The following NUP214 variants were observed in gnomAD, a reference collection of about 807,000 sequenced individuals.
NUP214 encodes the protein nuclear pore complex protein Nup214.
NUP214 carries 79 observed loss-of-function variants against 196.2 expected under a neutral mutation model. That is an observed-to-expected ratio of 0.40 (90% CI 0.34 to 0.49). The LOEUF (loss-of-function observed/expected upper bound fraction) is 0.49, where lower values mean the gene tolerates loss of function less well. Ranked by LOEUF, NUP214 falls within the 20% of genes least tolerant of loss-of-function variation. The probability of loss-of-function intolerance (pLI) is 0.58; values close to 1 mark genes in which losing one functional copy is unlikely to be tolerated. For synonymous variants in NUP214, 1,020 were observed against 990.5 expected, an observed-to-expected ratio of 1.03 and a Z score of -0.56; for missense variants, 2,468 against 2,539.0, an observed-to-expected ratio of 0.97 and a Z score of 0.60.
intron 8 of NUP214, 188 bp downstream of exon 8, chr9:131,135,192 T>C: frequency 1.9e-6 from 1 of 524,850 alleles, no homozygotes; most frequent in East Asian, 3.1e-5. Flanking sequence ...CAGGCTCAAG[T>C]GATCCTTCCA....
At chr9:131,175,678 A>G (rs1833095042) in intron 23 of NUP214, 57 bp downstream of exon 23, 3 of 1,560,170 alleles carry the variant, frequency 1.9e-6, no homozygotes, top group Admixed American at 2.0e-5. Context: ...TCTGAGTCAC[A>G]GGCCAGGACA....
At chr9:131,186,049 A>G (rs1376857246) in intron 24 of NUP214, among the ~76,000 whole-genome samples, 2 of 152,032 alleles carry the variant, frequency 1.3e-5, no homozygotes, top group Non-Finnish European at 2.9e-5. Flanking sequence ...GTGAGCTCCA[A>G]CCTCTTCTCT....
intron 30 of NUP214, among the ~76,000 whole-genome samples, chr9:131,212,714 C>T (rs1161747892): frequency 6.6e-6 from 1 of 152,106 alleles, no homozygotes; most frequent in Non-Finnish European, 1.5e-5. Context: ...AACACTTACT[C>T]CTTACTCCTT....
intron 30 of NUP214, among the ~76,000 whole-genome samples, chr9:131,211,800 G>A: frequency 6.6e-6 from 1 of 152,126 alleles, no homozygotes; most frequent in South Asian, 2.1e-4. Flanking sequence ...GAGGATGTAT[G>A]TTGCCTCAGG....
chr9:131,234,252 C>T lies in NUP214; in HGVS notation c.*765C>T. On this transcript the variant is annotated 3_prime_UTR_variant, in exon 36 of 36. Transcript: ENST00000359428. Reference sequence around the variant, plus strand: ...TGTATGTGGCAGTGACATTGGTAGCCACACCTACCCAGTGTCTACTAACCA... The same window carrying T: ...TGTATGTGGCAGTGACATTGGTAGCTACACCTACCCAGTGTCTACTAACCA... 4.3e-6 allele frequency: 1 copy of T among 232,762 alleles called. No individual in the cohort carries two copies. Among genetic ancestry groups the T allele is most frequent in the Non-Finnish European group, 8.5e-6 (1 of 117,782 alleles). The allele number at this position is 232,762 out of a possible 1,614,324, so 14.4% of individuals were successfully genotyped here. A position where few individuals can be genotyped will look rare whatever the true frequency, so the allele number is the denominator to read the frequency against.
chr9:131,202,349 T>TTG, intron 30 of NUP214, among the ~76,000 whole-genome samples: 2 of 152,196 alleles, frequency 1.3e-5, no homozygotes, highest in East Asian at 3.9e-4. Context: ...AGAATGGTGT[T>TTG]TGTGTGTGTG....
At chr9:131,194,748 T>C (rs1051944159) in intron 27 of NUP214, among the ~76,000 whole-genome samples, 2 of 152,250 alleles carry the variant, frequency 1.3e-5, no homozygotes, top group Admixed American at 1.3e-4. Flanking sequence ...TTGTATCCAT[T>C]GTTTTCCCTA....
At chr9:131,162,501 T>C (rs1285637394) in intron 18 of NUP214, among the ~76,000 whole-genome samples, 1 of 152,232 alleles carries the variant, frequency 6.6e-6, no homozygotes, top group Admixed American at 6.5e-5. Flanking sequence ...GTTTTAGTTC[T>C]TTTGGGCAGG....
In NUP214 at chr9:131,198,822, A is replaced by G. The variant is rs752029357; in HGVS notation, c.5328A>G (p.Ser1776=). The G allele has an allele frequency of 6.2e-7, 1 of 1,614,170 alleles. No homozygotes were observed. The highest frequency in any genetic ancestry group is 8.5e-7 in the Non-Finnish European group (1 of 1,180,036). ...STSGSVFGAA[S]STSSSSSFSF... Reference sequence around the variant, plus strand: ...GTGGAAGTGTCTTTGGTGCCGCCTCAAGTACCAGTAGCTCCAGTTCCTTCT... The same window carrying G: ...GTGGAAGTGTCTTTGGTGCCGCCTCGAGTACCAGTAGCTCCAGTTCCTTCT... Residue 1776 remains serine (S), a synonymous_variant, in exon 29 of 36, where the codon TCA becomes TCG. Coordinates refer to ENST00000359428, the MANE Select transcript of NUP214 (RefSeq NM_005085.4).
intron 35 of NUP214, 73 bp from the exon 36 acceptor site, chr9:131,233,381 G>A: frequency 6.9e-7 from 1 of 1,447,140 alleles, no homozygotes; most frequent in Admixed American, 2.2e-5. Flanking sequence ...TTGCACACAG[G>A]CAGAGCAGCA....
At chr9:131,131,135 G>T in intron 5 of NUP214, among the ~76,000 whole-genome samples, 1 of 152,088 alleles carries the variant, frequency 6.6e-6, no homozygotes, top group East Asian at 1.9e-4. Context: ...TACGCTATGC[G>T]CTGTTCCCCA....
chr9:131,212,902 G>A (rs2131075697), intron 30 of NUP214, among the ~76,000 whole-genome samples: 1 of 152,278 alleles, frequency 6.6e-6, no homozygotes, highest in African/African-American at 2.4e-5. Flanking sequence ...CAGGCCATGA[G>A]TTGAGCATTG....
chr9:131,182,748 A>G (rs1043953266), intron 24 of NUP214, among the ~76,000 whole-genome samples: 5 of 152,184 alleles, frequency 3.3e-5, no homozygotes, highest in African/African-American at 9.7e-5. Context: ...TAAATCTGTT[A>G]TATAGCTATT....
chr9:131,163,857 T>C lies in NUP214; in HGVS notation c.2724-13T>C. The C allele has an allele frequency of 1.2e-6, 2 of 1,611,700 alleles. No homozygotes were observed. Among genetic ancestry groups the C allele is most frequent in the Non-Finnish European group, 1.7e-6 (2 of 1,177,850 alleles). On this transcript the variant is annotated splice_polypyrimidine_tract_variant and intron_variant, in intron 19 of 35. Coordinates refer to ENST00000359428, the MANE Select transcript of NUP214 (RefSeq NM_005085.4). ...CTCCTAGTTGGTCTGTATCTAACAC[T>C]GTTCTGTTTCAGTTTTGACAGTGAC...
intron 24 of NUP214, among the ~76,000 whole-genome samples, chr9:131,184,038 T>C (rs1183790077): frequency 7.1e-6 from 1 of 141,014 alleles, no homozygotes; most frequent in Non-Finnish European, 1.5e-5. Context: ...TTTTTTTTTT[T>C]TTTTTTTTTT....
At chr9:131,190,285 T>C (rs1320233567) in intron 26 of NUP214, 2 of 533,030 alleles carry the variant, frequency 3.8e-6, no homozygotes, top group East Asian at 6.4e-5. Context: ...GATCATATAC[T>C]CTTTTTTCAA....
intron 14 of NUP214, among the ~76,000 whole-genome samples, chr9:131,148,174 G>A (rs1222886071): frequency 7.0e-6 from 1 of 143,362 alleles, no homozygotes; most frequent in Non-Finnish European, 1.5e-5. Context: ...CACTACTCTT[G>A]CCAAAGAGTA....
intron 24 of NUP214, among the ~76,000 whole-genome samples, chr9:131,179,052 TG>T (rs1833194849): frequency 6.6e-6 from 1 of 152,042 alleles, no homozygotes; most frequent in Non-Finnish European, 1.5e-5. Context: ...GAGTGCAGAG[TG>T]CAGTACGATC....
chr9:131,142,761 A>G (rs911622670), intron 11 of NUP214, among the ~76,000 whole-genome samples: 28 of 152,352 alleles, frequency 1.8e-4, no homozygotes, highest in African/African-American at 6.0e-4. Flanking sequence ...ACTTTCATCA[A>G]TGTGACAGTT....
Sources: gnomAD v4.1 joint callset for allele counts (sites outside exome capture counted in the v4.1 genomes callset) on GRCh38, gnomAD v4.1.1 for gene constraint, MANE v1.5 for transcripts, NCBI Gene and HGNC (gene_info 2026-07-23, HGNC 2026-07-21) for gene names.